PAK5: variants seen among roughly 807,000 people sequenced by gnomAD.
The protein encoded by PAK5 is p21 (RAC1) activated kinase 5.
A neutral mutation model predicts 65.9 loss-of-function variants in PAK5; 16 were observed. That is an observed-to-expected ratio of 0.24 (90% CI 0.16 to 0.37). PAK5 has a LOEUF of 0.37. Among genes scored for constraint, PAK5 ranks in the 10% least tolerant of loss-of-function variants. The pLI is 1.00. For synonymous variants in PAK5, 371 were observed against 354.9 expected (o/e 1.05, Z -0.51); for missense variants, 785 against 903.9 (o/e 0.87, Z 1.69).
intron 7 of PAK5, among the ~76,000 whole-genome samples, chr20:9,549,733 A>G (rs2045398351): frequency 6.6e-6 from 1 of 152,164 alleles, no homozygotes; most frequent in East Asian, 1.9e-4. Context: ...TCATAGGTAA[A>G]TACCTCCATA....
intron 2 of PAK5, among the ~76,000 whole-genome samples, chr20:9,686,082 CA>C (rs1003923269): frequency 5.3e-5 from 8 of 151,966 alleles, no homozygotes; most frequent in African/African-American, 1.9e-4. Flanking sequence ...TTTGTAGTGG[CA>C]AAAAAAGGCT....
intron 1 of PAK5, among the ~76,000 whole-genome samples, chr20:9,741,855 C>T (rs2048454151): frequency 6.6e-6 from 1 of 150,896 alleles, no homozygotes; most frequent in South Asian, 2.1e-4. Context: ...AGAAGGATCC[C>T]AATGATCTAG....
intron 7 of PAK5, among the ~76,000 whole-genome samples, chr20:9,556,568 G>C (rs930439490): frequency 1.3e-5 from 2 of 152,200 alleles, no homozygotes; most frequent in African/African-American, 2.4e-5. Context: ...GGGAGTTTCA[G>C]GGGGCTCCGG....
At chr20:9,802,910 G>GTGTATATATATATA (rs142279832) in intron 1 of PAK5, among the ~76,000 whole-genome samples, 26 of 46,376 alleles carry the variant, frequency 5.6e-4, no homozygotes, top group African/African-American at 1.8e-3. Context: ...ATATGTATGT[G>GTGTATATATATATA]TATATATATA....
intron 2 of PAK5, among the ~76,000 whole-genome samples, chr20:9,644,913 G>C (rs1794191264): frequency 6.6e-6 from 1 of 152,184 alleles, no homozygotes; most frequent in Non-Finnish European, 1.5e-5. Flanking sequence ...CATTATTAAA[G>C]CTGACCAGTA....
At chr20:9,595,670 A>G (rs1456725674) in intron 3 of PAK5, among the ~76,000 whole-genome samples, 1 of 152,214 alleles carries the variant, frequency 6.6e-6, no homozygotes, top group Admixed American at 6.5e-5. Flanking sequence ...CATAAAATCC[A>G]GGGGTTCTTT....
chr20:9,658,868 C>T (rs1397076366), intron 2 of PAK5, among the ~76,000 whole-genome samples: 1 of 152,134 alleles, frequency 6.6e-6, no homozygotes, highest in Non-Finnish European at 1.5e-5. Context: ...TCCAGATACA[C>T]TAAGAATAAA....
At chr20:9,729,993 C>T (rs1168998279) in intron 1 of PAK5, among the ~76,000 whole-genome samples, 8 of 31,810 alleles carry the variant, frequency 2.5e-4, no homozygotes, top group African/African-American at 1.1e-3. Flanking sequence ...GCCTGGGCAA[C>T]AGGGAAAAAA....
chr20:9,745,488 C>A (rs567661213), intron 1 of PAK5, among the ~76,000 whole-genome samples: 9 of 151,988 alleles, frequency 5.9e-5, no homozygotes, highest in Non-Finnish European at 1.2e-4. Context: ...AATAGGTGGT[C>A]AATTTAATAC....
chr20:9,783,945 C>A (rs16996395), intron 1 of PAK5, among the ~76,000 whole-genome samples: 2,758 of 152,212 alleles, frequency 0.018, 106 homozygotes, highest in East Asian at 0.16. Context: ...ATACATTAAT[C>A]AAATTGTTTA....
At chr20:9,688,690 T>C (rs1322811788) in intron 2 of PAK5, among the ~76,000 whole-genome samples, 1 of 151,768 alleles carries the variant, frequency 6.6e-6, no homozygotes, top group Admixed American at 6.6e-5. Context: ...CAGGATGGGG[T>C]GAGGAGTGAG....
At chr20:9,731,673 G>C (rs1433391160) in intron 1 of PAK5, among the ~76,000 whole-genome samples, 1 of 152,312 alleles carries the variant, frequency 6.6e-6, no homozygotes, top group East Asian at 1.9e-4. Context: ...ACACCAACTA[G>C]TTGGGGTTTT....
intron 3 of PAK5, among the ~76,000 whole-genome samples, chr20:9,637,300 GAA>G (rs1392711405): frequency 6.6e-6 from 1 of 152,052 alleles, no homozygotes. Flanking sequence ...GCCCACCCAA[GAA>G]AATTTAAAAC....
intron 7 of PAK5, among the ~76,000 whole-genome samples, chr20:9,555,700 T>G (rs2045495684): frequency 6.6e-6 from 1 of 152,194 alleles, no homozygotes; most frequent in South Asian, 2.1e-4. Flanking sequence ...TGACTTGGCA[T>G]CTTCTCCTAT....
At chr20:9,648,269 G>C (rs1356289230) in intron 2 of PAK5, among the ~76,000 whole-genome samples, 1 of 152,168 alleles carries the variant, frequency 6.6e-6, no homozygotes, top group African/African-American at 2.4e-5. Flanking sequence ...CAGGCTTTCA[G>C]AGGTCTTCTC....
intron 1 of PAK5, among the ~76,000 whole-genome samples, chr20:9,730,041 GA>G (rs33912007): frequency 0.69 from 94,357 of 136,354 alleles, 31,842 homozygotes; most frequent in East Asian, 0.85. Context: ...GAATTGTCTC[GA>G]AAAAAAAAAA....
At chr20:9,577,398 TACAC>T (rs1278701181) in intron 4 of PAK5, 2 of 151,554 alleles carry the variant, frequency 1.3e-5, no homozygotes, top group Non-Finnish European at 2.9e-5. Context: ...CACACGTGTG[TACAC>T]ACACACATGT....
At chr20:9,633,585 C>A (rs906016239) in intron 3 of PAK5, among the ~76,000 whole-genome samples, 1 of 152,190 alleles carries the variant, frequency 6.6e-6, no homozygotes, top group South Asian at 2.1e-4. Flanking sequence ...TTTGGTCAGG[C>A]CTGTTGCCTA....
At chr20:9,679,163 T>A (rs924124503) in intron 2 of PAK5, among the ~76,000 whole-genome samples, 1 of 152,182 alleles carries the variant, frequency 6.6e-6, no homozygotes, top group African/African-American at 2.4e-5. Context: ...TATTTTCTCT[T>A]GCCTGTAATT....
Sources: gnomAD v4.1 joint callset for allele counts (sites outside exome capture counted in the v4.1 genomes callset) on GRCh38, gnomAD v4.1.1 for gene constraint, MANE v1.5 for transcripts, NCBI Gene and HGNC (gene_info 2026-07-23, HGNC 2026-07-21) for gene names.